Variants in VCL observed in about 807,000 individuals in gnomAD.
The protein encoded by VCL is vinculin.
In VCL, 47 loss-of-function variants were observed where a neutral mutation model predicts 125.7. That is an observed-to-expected ratio of 0.37 (90% confidence interval 0.30 to 0.48). VCL has a LOEUF of 0.48. Among genes scored for constraint, VCL ranks in the 20% least tolerant of loss-of-function variants. The pLI, the probability that VCL is intolerant of heterozygous loss-of-function variation, is 0.99. For missense variants in VCL, 1,069 were observed against 1,455.5 expected, an observed-to-expected ratio of 0.73 and a Z score of 4.32; for synonymous variants, 458 against 514.6, an observed-to-expected ratio of 0.89 and a Z score of 1.49.
At chr10:74,110,796 C>T (rs1434822458) in intron 18 of VCL, among the ~76,000 whole-genome samples, 1 of 152,178 alleles carries the variant, frequency 6.6e-6, no homozygotes, top group Non-Finnish European at 1.5e-5. Context: ...CTGTATTCAT[C>T]ATTCTTTGTA....
chr10:74,076,625 G>C (rs1839591012), intron 6 of VCL: 1 of 152,610 alleles, frequency 6.6e-6, no homozygotes, highest in South Asian at 2.1e-4. Flanking sequence ...GGGTAGGCTA[G>C]AGAGCTTAGA....
intron 1 of VCL, among the ~76,000 whole-genome samples, chr10:74,024,299 G>A (rs1025107073): frequency 2.0e-5 from 3 of 152,028 alleles, no homozygotes; most frequent in Non-Finnish European, 2.9e-5. Context: ...AATGGTCAAC[G>A]TTAGTAAATG....
rs34197555 is a variant in VCL at position 74,000,259 on chromosome 10, C to CTTT, written c.168+1902_168+1904dup. On this transcript the variant is annotated intron_variant, in intron 1 of 21. Coordinates refer to ENST00000211998, the MANE Select transcript of VCL (RefSeq NM_014000.3). ...CACGGGTCAAGGCCTTTGTATTTTG[C>CTTT]TTTTTTTTTTTTTTTTTTTTGAGAC... 1.0e-3 allele frequency among the ~76,000 whole-genome samples: 119 copies of CTTT among 114,788 alleles called. 2 individuals are homozygous for CTTT. The highest frequency in any genetic ancestry group is 1.3e-3 in the Non-Finnish European group (73 of 57,580). 75.3% of individuals were successfully genotyped at this position (114,788 alleles called of 152,430 possible). A position where few individuals can be genotyped will look rare whatever the true frequency, so the allele number is the denominator to read the frequency against.
At chr10:74,026,104 C>G (rs971259857) in intron 1 of VCL, among the ~76,000 whole-genome samples, 3 of 152,188 alleles carry the variant, frequency 2.0e-5, no homozygotes, top group African/African-American at 7.2e-5. Context: ...TGGCCTGCAT[C>G]ATATTGCCTG....
intron 1 of VCL, among the ~76,000 whole-genome samples, chr10:74,018,183 TATATATATATATATATATAAATAC>T: frequency 7.5e-6 from 1 of 133,694 alleles, no homozygotes; most frequent in Non-Finnish European, 1.6e-5. Context: ...ATAGGATATA[TATATATATATATATATATAAATAC>T]ATATATATAT....
chr10:74,011,728 T>C (rs1840439678), intron 1 of VCL, among the ~76,000 whole-genome samples: 1 of 152,186 alleles, frequency 6.6e-6, no homozygotes, highest in East Asian at 1.9e-4. Context: ...CAAAGATTCA[T>C]AAACGATATT....
chr10:74,017,046 C>CTTTTTTTTTTTTTTTTTTT (rs549275362), intron 1 of VCL, among the ~76,000 whole-genome samples: 2 of 113,168 alleles, frequency 1.8e-5, no homozygotes, highest in African/African-American at 8.2e-5. Context: ...AATTTCCTTC[C>CTTTTTTTTTTTTTTTTTTT]TTTTTTTTTT....
intron 8 of VCL, among the ~76,000 whole-genome samples, chr10:74,086,577 C>A (rs1240698838): frequency 6.6e-6 from 1 of 152,256 alleles, no homozygotes. Flanking sequence ...TGTCTGCAAC[C>A]TTTTCCCAGT....
Position 74,097,117 on chromosome 10 carries a change from T to A in VCL, c.1744-87T>A. ...TTTATTGAATGAAAGACTGAATAGA[T>A]GAATGAATGTCAGTGAAGTAAGGGC... On this transcript the variant is annotated intron_variant, in intron 12 of 21. Transcript: ENST00000211998. The surrounding 1 kb of genome is among the most constrained non-coding windows in gnomAD (Gnocchi z 4.1). 6.4e-7 allele frequency: 1 copy of A among 1,551,894 alleles called. No individual in the cohort carries two copies. Among genetic ancestry groups the A allele is most frequent in the Non-Finnish European group, 8.8e-7 (1 of 1,136,774 alleles).
At chr10:74,077,733 A>C in intron 6 of VCL, 1 of 455,924 alleles carries the variant, frequency 2.2e-6, no homozygotes, top group South Asian at 1.6e-5. Context: ...TTCCTCTAGA[A>C]AAGTGGGGGA....
In VCL at chr10:74,118,406, C is replaced by A; in HGVS notation, c.*237C>A. The stretch of plus-strand genomic sequence containing the variant: ...CTCAAACACAGTTACACTTGTGCAC[C>A]CTCTATCCCAATAGGCAGACTGGGT... On this transcript the variant is annotated 3_prime_UTR_variant, in exon 22 of 22. Coordinates refer to ENST00000211998, the MANE Select transcript of VCL (RefSeq NM_014000.3). The A allele has an allele frequency of 1.8e-6, 1 of 556,870 alleles. No individual in the cohort carries two copies. The highest frequency in any genetic ancestry group is 3.4e-5 in the East Asian group (1 of 29,720). The allele number at this position is 556,870 out of a possible 1,614,324, so 34.5% of individuals were successfully genotyped here.
At chr10:74,021,992 G>A (rs1840677199) in intron 1 of VCL, among the ~76,000 whole-genome samples, 1 of 151,776 alleles carries the variant, frequency 6.6e-6, no homozygotes, top group Non-Finnish European at 1.5e-5. Flanking sequence ...GTATAGCTCT[G>A]ATCTCAAAAG....
chr10:74,084,880 G>A (rs1443006865), intron 8 of VCL, among the ~76,000 whole-genome samples: 2 of 151,806 alleles, frequency 1.3e-5, no homozygotes, highest in Middle Eastern at 3.2e-3. Flanking sequence ...CCAAAGTGCT[G>A]GGATTATAGG....
Position 74,104,033 on chromosome 10 carries a change from C to G in VCL, c.2131+105C>G, listed in dbSNP as rs532671015. ...ACTCAGCTGTAATTGGATAAAGGGC[C>G]GGTCACGTGCTGAGCAGTGTACTTG... is the stretch of plus-strand genomic sequence containing the variant. On this transcript the variant is annotated intron_variant, in intron 15 of 21. Coordinates refer to ENST00000211998, the MANE Select transcript of VCL (RefSeq NM_014000.3). 7.9e-6 allele frequency: 9 copies of G among 1,141,264 alleles called. No homozygotes were observed. In the African/African-American group the frequency reaches 9.2e-5, roughly 12 times the overall value. The allele number at this position is 1,141,264 out of a possible 1,614,324, so 70.7% of individuals were successfully genotyped here.
intron 2 of VCL, among the ~76,000 whole-genome samples, chr10:74,043,472 G>A (rs867848012): frequency 6.6e-6 from 1 of 151,916 alleles, no homozygotes; most frequent in Non-Finnish European, 1.5e-5. Flanking sequence ...TCAGCCTCTG[G>A]AATAGCTTGG....
At chr10:74,003,246 A>G (rs1011385582) in intron 1 of VCL, among the ~76,000 whole-genome samples, 1 of 151,958 alleles carries the variant, frequency 6.6e-6, no homozygotes, top group African/African-American at 2.4e-5. Flanking sequence ...TATTTAAGGC[A>G]GTTTTAAACA....
chr10:74,066,383 A>G (rs1303846280), intron 2 of VCL, among the ~76,000 whole-genome samples: 1 of 152,104 alleles, frequency 6.6e-6, no homozygotes, highest in Non-Finnish European at 1.5e-5. Context: ...CTCACAGGGG[A>G]ATACAACATA....
At chr10:74,073,232 C>T (rs1391863863) in intron 5 of VCL, among the ~76,000 whole-genome samples, 2 of 152,178 alleles carry the variant, frequency 1.3e-5, no homozygotes, top group Non-Finnish European at 2.9e-5. Flanking sequence ...AGCCATGGCT[C>T]CTGGCCTGAG....
At chr10:74,113,190 A>G (rs764861331) in intron 19 of VCL, among the ~76,000 whole-genome samples, 2 of 152,182 alleles carry the variant, frequency 1.3e-5, no homozygotes, top group Non-Finnish European at 2.9e-5. Flanking sequence ...CTAGTTTTGA[A>G]CACTGCAGTT....
Sources: allele counts gnomAD v4.1 joint callset (sites outside exome capture counted in the v4.1 genomes callset), GRCh38; gene constraint gnomAD v4.1.1; non-coding constraint Gnocchi (gnomAD v3.1); transcripts MANE v1.5; gene names NCBI Gene and HGNC (gene_info 2026-07-23, HGNC 2026-07-21).